The following SLC14A2 variants were observed in gnomAD, a reference collection of about 807,000 sequenced individuals.
SLC14A2 encodes the protein urea transporter 2.
SLC14A2 carries 91 observed loss-of-function variants against 104.6 expected under a neutral mutation model. The ratio of observed to expected loss-of-function variants is 0.87; its 90% confidence interval spans 0.73 to 1.04. The LOEUF is 1.04. Ranked by LOEUF, SLC14A2 falls within the 50% of genes least tolerant of loss-of-function variation. SLC14A2 has a pLI of 0.00. For synonymous variants in SLC14A2, 476 were observed against 466.4 expected (o/e 1.02, Z -0.27); for missense variants, 1,189 against 1,156.0 (o/e 1.03, Z -0.41).
At chr18:45,532,763 C>G (rs1020440854) in intron 2 of SLC14A2, among the ~76,000 whole-genome samples, 8 of 152,110 alleles carry the variant, frequency 5.3e-5, no homozygotes, top group African/African-American at 1.7e-4. Context: ...AGAGAGCATC[C>G]CTGTCTTCTG....
chr18:45,602,326 A>ATTGGATATC (rs1179539327), intron 2 of SLC14A2, among the ~76,000 whole-genome samples: 1 of 152,188 alleles, frequency 6.6e-6, no homozygotes. Context: ...CCTTATGGAG[A>ATTGGATATC]TTGGATATCT....
At chr18:45,553,501 T>A (rs1268598854) in intron 2 of SLC14A2, among the ~76,000 whole-genome samples, 1 of 152,138 alleles carries the variant, frequency 6.6e-6, no homozygotes, top group Non-Finnish European at 1.5e-5. Context: ...TAGTTGAGAT[T>A]TGAAGAGTCA....
chr18:45,419,789 AT>A (rs1407996840), intron 1 of SLC14A2, among the ~76,000 whole-genome samples: 124 of 142,602 alleles, frequency 8.7e-4, no homozygotes, highest in South Asian at 1.8e-3. Flanking sequence ...AAAAAAAAAA[AT>A]CTCCAGTTTT....
At chr18:45,236,373 GTATA>G (rs1328685195) in intron 1 of SLC14A2, among the ~76,000 whole-genome samples, 1 of 18,970 alleles carries the variant, frequency 5.3e-5, no homozygotes, top group Non-Finnish European at 7.8e-5. Context: ...GTATATATGT[GTATA>G]TATACATGTA....
At chr18:45,546,155 C>A (rs1460566119) in intron 2 of SLC14A2, among the ~76,000 whole-genome samples, 7 of 152,188 alleles carry the variant, frequency 4.6e-5, no homozygotes, top group Admixed American at 3.9e-4. Flanking sequence ...GTGTTATAAC[C>A]AGTCTGTCCC....
In SLC14A2 at chr18:45,574,468, C is replaced by T. The variant is rs980467778; in HGVS notation, c.-34-50163C>T. Among the ~76,000 whole-genome samples, 3 of 152,082 alleles carry T rather than the reference C, an allele frequency of 2.0e-5. No homozygotes were observed. The South Asian group carries it at 6.2e-4, about 32-fold the overall frequency. On this transcript the variant is annotated intron_variant, in intron 2 of 20. Transcript: ENST00000586448. ...AGTGGAGTTAAAGTTGAAAGCAGTACCACCCTACAAAAACCGTCCCACCCT... is the reference window on the plus strand; with the variant it reads ...AGTGGAGTTAAAGTTGAAAGCAGTATCACCCTACAAAAACCGTCCCACCCT...
At chr18:45,376,055 G>A (rs566645659) in intron 1 of SLC14A2, among the ~76,000 whole-genome samples, 8 of 138 alleles carry the variant, frequency 0.058, no homozygotes, top group East Asian at 0.5. Context: ...GGGAGGTTGG[G>A]CCACACCCCC....
the SLC14A2 span, among the ~76,000 whole-genome samples, chr18:45,171,875 G>A: frequency 6.6e-6 from 1 of 152,050 alleles, no homozygotes; most frequent in African/African-American, 2.4e-5. Context: ...TCTTTCTTGG[G>A]TGTTCAGATT....
At chr18:45,660,477 C>A (rs570554129) in intron 10 of SLC14A2, among the ~76,000 whole-genome samples, 1 of 152,182 alleles carries the variant, frequency 6.6e-6, no homozygotes, top group East Asian at 1.9e-4. Flanking sequence ...TATTTTCCAG[C>A]GCATTTCGTA....
chr18:45,200,566 TC>T, the SLC14A2 span, among the ~76,000 whole-genome samples: 2 of 152,212 alleles, frequency 1.3e-5, no homozygotes, highest in African/African-American at 4.8e-5. Flanking sequence ...TTTGTTTTTT[TC>T]ATATGCCATT....
At chr18:45,422,187 A>G (rs2086358372) in intron 1 of SLC14A2, among the ~76,000 whole-genome samples, 1 of 152,178 alleles carries the variant, frequency 6.6e-6, no homozygotes, top group Non-Finnish European at 1.5e-5. Flanking sequence ...GAAGACTGTC[A>G]ATCTGGCAAG....
chr18:45,494,788 C>T (rs2043062644), intron 2 of SLC14A2, among the ~76,000 whole-genome samples: 1 of 152,018 alleles, frequency 6.6e-6, no homozygotes, highest in Admixed American at 6.6e-5. Flanking sequence ...TCCTTCACCT[C>T]TCTTCAGTCT....
At chr18:45,250,347 G>A (rs1346867862) in intron 1 of SLC14A2, among the ~76,000 whole-genome samples, 1 of 152,010 alleles carries the variant, frequency 6.6e-6, no homozygotes, top group African/African-American at 2.4e-5. Flanking sequence ...GTCCTCTTTG[G>A]TATTTTAATC....
intron 1 of SLC14A2, among the ~76,000 whole-genome samples, chr18:45,285,148 A>T (rs2084800647): frequency 6.6e-6 from 1 of 152,186 alleles, no homozygotes; most frequent in Admixed American, 6.5e-5. Flanking sequence ...TTAAATGTGG[A>T]GGGTGATACA....
chr18:45,288,414 T>G, intron 1 of SLC14A2, among the ~76,000 whole-genome samples: 1 of 152,216 alleles, frequency 6.6e-6, no homozygotes, highest in East Asian at 1.9e-4. Flanking sequence ...GGAGCAACGA[T>G]GGTGACAATA....
At chr18:45,172,826 A>G in the SLC14A2 span, among the ~76,000 whole-genome samples, 1 of 152,162 alleles carries the variant, frequency 6.6e-6, no homozygotes, top group Non-Finnish European at 1.5e-5. Flanking sequence ...TGCATCCCCA[A>G]CACAAAACAG....
the SLC14A2 span, among the ~76,000 whole-genome samples, chr18:45,196,071 C>T: frequency 1.3e-4 from 20 of 152,274 alleles, no homozygotes; most frequent in Admixed American, 7.8e-4. Flanking sequence ...GGTTACAGTT[C>T]GGCTTTTGCC....
intron 2 of SLC14A2, among the ~76,000 whole-genome samples, chr18:45,521,438 A>T (rs1038236548): frequency 5.9e-5 from 9 of 152,192 alleles, no homozygotes; most frequent in Admixed American, 5.9e-4. Context: ...TAGTACCATA[A>T]GCAGGATACA....
chr18:45,533,977 T>C (rs2043740792), intron 2 of SLC14A2, among the ~76,000 whole-genome samples: 2 of 152,058 alleles, frequency 1.3e-5, no homozygotes, highest in African/African-American at 4.8e-5. Flanking sequence ...ACGAAGAATG[T>C]AGAAAGAAGA....
Sources: gnomAD v4.1 joint callset for allele counts (sites outside exome capture counted in the v4.1 genomes callset) on GRCh38, gnomAD v4.1.1 for gene constraint, MANE v1.5 for transcripts, NCBI Gene and HGNC (gene_info 2026-07-23, HGNC 2026-07-21) for gene names.